The following HCN1 variants were observed in gnomAD, a reference collection of about 807,000 sequenced individuals.
HCN1 encodes hyperpolarization activated cyclic nucleotide gated potassium channel 1.
Under a neutral mutation model 78.9 loss-of-function variants are expected in HCN1, and 13 were observed. The ratio of observed to expected loss-of-function variants is 0.16; its 90% CI spans 0.11 to 0.26. HCN1 has a LOEUF of 0.26. HCN1 is among the 10% of genes least tolerant of loss of function. The probability of loss-of-function intolerance (pLI) is 1.00; values close to 1 mark genes in which losing one functional copy is unlikely to be tolerated. For missense variants in HCN1, 810 were observed against 1,154.3 expected, an observed-to-expected ratio of 0.70 and a Z score of 4.32; for synonymous variants, 552 against 455.5, an observed-to-expected ratio of 1.21 and a Z score of -2.70.
intron 2 of HCN1, among the ~76,000 whole-genome samples, chr5:45,587,921 C>T (rs1744269711): frequency 6.6e-6 from 1 of 151,246 alleles, no homozygotes; most frequent in African/African-American, 2.5e-5. Flanking sequence ...ACAGAGAGCT[C>T]TCTTTCTCCT....
At chr5:45,465,766 G>T (rs1741258003) in intron 2 of HCN1, among the ~76,000 whole-genome samples, 1 of 151,830 alleles carries the variant, frequency 6.6e-6, no homozygotes, top group African/African-American at 2.4e-5. Context: ...AAAAAAAAAA[G>T]TTTTTAAACA....
intron 3 of HCN1, among the ~76,000 whole-genome samples, chr5:45,449,272 A>G (rs1399336681): frequency 6.6e-6 from 1 of 152,210 alleles, no homozygotes; most frequent in Non-Finnish European, 1.5e-5. Flanking sequence ...GAACCAGTAG[A>G]GGAATCTAAA....
intron 6 of HCN1, among the ~76,000 whole-genome samples, chr5:45,283,890 T>A (rs915777203): frequency 1.3e-5 from 2 of 152,078 alleles, no homozygotes; most frequent in African/African-American, 2.4e-5. Flanking sequence ...TGGAGTCAAC[T>A]TAAATGCCTA....
intron 2 of HCN1, among the ~76,000 whole-genome samples, chr5:45,615,494 C>G (rs1434832016): frequency 6.6e-6 from 1 of 151,904 alleles, no homozygotes; most frequent in Admixed American, 6.6e-5. Context: ...AGTGTGGGTA[C>G]AGAATGTAGT....
At chr5:45,366,585 T>G (rs1485981150) in intron 4 of HCN1, among the ~76,000 whole-genome samples, 1 of 151,786 alleles carries the variant, frequency 6.6e-6, no homozygotes, top group Non-Finnish European at 1.5e-5. Flanking sequence ...GAAATGCAAC[T>G]GTTTCTATCT....
chr5:45,460,734 T>C (rs895055922), intron 3 of HCN1, among the ~76,000 whole-genome samples: 3 of 145,790 alleles, frequency 2.1e-5, no homozygotes, highest in Admixed American at 1.4e-4. Context: ...AGGAGGACAA[T>C]AGGGAAGAAG....
intron 2 of HCN1, among the ~76,000 whole-genome samples, chr5:45,528,227 C>A (rs1293671869): frequency 6.6e-6 from 1 of 151,888 alleles, no homozygotes; most frequent in Non-Finnish European, 1.5e-5. Flanking sequence ...CCTAACTTCC[C>A]TAAATCCTAC....
At chr5:45,333,037 A>G (rs1004604060) in intron 5 of HCN1, among the ~76,000 whole-genome samples, 5 of 151,552 alleles carry the variant, frequency 3.3e-5, no homozygotes, top group Non-Finnish European at 4.4e-5. Flanking sequence ...ATGGTAGCTC[A>G]ATTTTTAGCT....
At chr5:45,590,050 C>A (rs564281121) in intron 2 of HCN1, among the ~76,000 whole-genome samples, 4 of 152,246 alleles carry the variant, frequency 2.6e-5, no homozygotes, top group African/African-American at 9.6e-5. Context: ...TTTCAATTTT[C>A]AGGTATAGAT....
chr5:45,353,755 A>G (rs949987514), intron 4 of HCN1, among the ~76,000 whole-genome samples: 8 of 152,014 alleles, frequency 5.3e-5, no homozygotes, highest in Non-Finnish European at 1.2e-4. Flanking sequence ...TCATACTTCA[A>G]CAACACAGAT....
intron 1 of HCN1, among the ~76,000 whole-genome samples, chr5:45,672,632 C>T (rs1272223931): frequency 1.4e-5 from 2 of 147,698 alleles, no homozygotes; most frequent in Admixed American, 1.4e-4. Context: ...GTGTTTGAAA[C>T]AGACGGTTGC....
At chr5:45,658,612 C>G (rs530163580) in intron 1 of HCN1, among the ~76,000 whole-genome samples, 1 of 151,654 alleles carries the variant, frequency 6.6e-6, no homozygotes, top group East Asian at 2.0e-4. Context: ...GTGCGCGAGC[C>G]GAAGCAGGGC....
intron 4 of HCN1, among the ~76,000 whole-genome samples, chr5:45,392,868 G>T (rs1177238437): frequency 6.6e-6 from 1 of 151,688 alleles, no homozygotes; most frequent in Non-Finnish European, 1.5e-5. Context: ...GAGAAGTTTA[G>T]CGTTTTTATT....
At chr5:45,482,935 AT>A (rs1741685638) in intron 2 of HCN1, among the ~76,000 whole-genome samples, 1 of 152,162 alleles carries the variant, frequency 6.6e-6, no homozygotes. Context: ...AAAACATATG[AT>A]TTCATTTCTT....
At chr5:45,320,266 C>T (rs1384041287) in intron 5 of HCN1, among the ~76,000 whole-genome samples, 2 of 151,822 alleles carry the variant, frequency 1.3e-5, no homozygotes, top group Non-Finnish European at 2.9e-5. Flanking sequence ...ACCTCATCTC[C>T]TAGAGAACAT....
At chr5:45,285,023 A>C (rs1745240561) in intron 6 of HCN1, among the ~76,000 whole-genome samples, 2 of 152,048 alleles carry the variant, frequency 1.3e-5, no homozygotes. Context: ...CAATTTTCTA[A>C]GTCCATATTA....
chr5:45,417,489 T>A (rs910269148), intron 3 of HCN1, among the ~76,000 whole-genome samples: 4 of 151,830 alleles, frequency 2.6e-5, no homozygotes, highest in African/African-American at 4.8e-5. Flanking sequence ...AAAGTGATAG[T>A]GATATATCCA....
chr5:45,343,530 C>G (rs72762032), intron 5 of HCN1, among the ~76,000 whole-genome samples: 11 of 152,144 alleles, frequency 7.2e-5, no homozygotes, highest in Admixed American at 5.9e-4. Context: ...GTACAGAGCA[C>G]AGAAAGAAAA....
chr5:45,432,728 T>A (rs1740488059), intron 3 of HCN1, among the ~76,000 whole-genome samples: 5 of 152,196 alleles, frequency 3.3e-5, no homozygotes, highest in African/African-American at 9.7e-5. Flanking sequence ...CTTTTCTGCA[T>A]ATATTGAGAT....
Sources: allele counts gnomAD v4.1 joint callset (sites outside exome capture counted in the v4.1 genomes callset), GRCh38; gene constraint gnomAD v4.1.1; transcripts MANE v1.5; gene names NCBI Gene and HGNC (gene_info 2026-07-23, HGNC 2026-07-21).